The following SLC2A9 variants were observed in gnomAD, a reference collection of about 807,000 sequenced individuals.
SLC2A9 encodes solute carrier family 2 member 9.
Under a neutral mutation model 50.6 loss-of-function variants are expected in SLC2A9, and 39 were observed. The observed-to-expected ratio is 0.77, with a 90% CI of 0.60 to 1.01. SLC2A9 has a LOEUF of 1.01. Among genes scored for constraint, SLC2A9 ranks in the 50% least tolerant of loss-of-function variants. SLC2A9 has a pLI of 0.00. For missense variants in SLC2A9, 686 were observed against 677.6 expected, an observed-to-expected ratio of 1.01 and a Z score of -0.14; for synonymous variants, 324 against 276.9, an observed-to-expected ratio of 1.17 and a Z score of -1.69.
chr4:9,966,385 G>A (rs532279247), intron 5 of SLC2A9, among the ~76,000 whole-genome samples: 1 of 152,226 alleles, frequency 6.6e-6, no homozygotes, highest in Non-Finnish European at 1.5e-5. Flanking sequence ...GCTGGGTGAA[G>A]TGGCTCACAT....
chr4:10,019,255 G>T, intron 1 of SLC2A9, 182 bp from the exon 2 acceptor site: 2 of 606,196 alleles, frequency 3.3e-6, no homozygotes, highest in Non-Finnish European at 5.9e-6. Context: ...TCCAGTCCAG[G>T]TCCGCGTGCG....
intron 10 of SLC2A9, among the ~76,000 whole-genome samples, chr4:9,855,129 G>T (rs1016752261): frequency 2.6e-5 from 4 of 152,118 alleles, no homozygotes; most frequent in Admixed American, 6.5e-5. Context: ...GCAAGAGAAA[G>T]AAATAAAAGA....
chr4:9,857,159 T>C lies in SLC2A9; in HGVS notation c.1292-22151A>G, dbSNP rs146954929. On this transcript the variant is annotated intron_variant, in intron 10 of 11. Transcript: ENST00000264784. ...TGTATGGGTGCTGGAGTTATAAGGC[T>C]GCCTGAAATAGGGTAAAAGGATCCA... Among the ~76,000 whole-genome samples the C allele has an allele frequency of 7.2e-5, 11 of 152,326 alleles. No individual in the cohort carries two copies. In the East Asian group the frequency reaches 9.7e-4, roughly 13 times the overall value.
intron 5 of SLC2A9, among the ~76,000 whole-genome samples, chr4:9,969,336 T>G (rs1365018425): frequency 1.3e-5 from 2 of 152,224 alleles, no homozygotes; most frequent in Non-Finnish European, 1.5e-5. Flanking sequence ...TAAATTTCCT[T>G]GCAAATTTCT....
chr4:9,820,242 C>T (rs768730718), intron 3 of SLC2A9, among the ~76,000 whole-genome samples: 75 of 152,242 alleles, frequency 4.9e-4, no homozygotes, highest in Middle Eastern at 3.4e-3. Context: ...AATGCCTTTG[C>T]ATTTTTGTCA....
intron 3 of SLC2A9, among the ~76,000 whole-genome samples, chr4:9,789,539 A>G (rs925741874): frequency 6.6e-6 from 1 of 152,226 alleles, no homozygotes; most frequent in Non-Finnish European, 1.5e-5. Flanking sequence ...CTACACCTAG[A>G]ATAGGAAGAA....
At chr4:9,963,819 T>C (rs6856127) in intron 5 of SLC2A9, among the ~76,000 whole-genome samples, 73,576 of 152,034 alleles carry the variant, frequency 0.48, 19,155 homozygotes, top group African/African-American at 0.67. Flanking sequence ...AAGAATCACA[T>C]CCAGCGAGTC....
intron 3 of SLC2A9, among the ~76,000 whole-genome samples, chr4:9,994,653 T>C (rs951726427): frequency 6.6e-6 from 1 of 150,994 alleles, no homozygotes; most frequent in African/African-American, 2.4e-5. Flanking sequence ...TAATGCTGGC[T>C]GAGAAGTGAG....
upstream of SLC2A9, among the ~76,000 whole-genome samples, chr4:10,023,055 T>C (rs1323625346): frequency 6.6e-6 from 1 of 152,158 alleles, no homozygotes; most frequent in Non-Finnish European, 1.5e-5. Context: ...AATCCTTAAT[T>C]ATAACATGAC....
chr4:9,801,710 G>T (rs1723224699), intron 3 of SLC2A9, among the ~76,000 whole-genome samples: 1 of 152,186 alleles, frequency 6.6e-6, no homozygotes, highest in Non-Finnish European at 1.5e-5. Flanking sequence ...GGGTGCCCAG[G>T]AACTGTCCCC....
chr4:9,958,989 GAAA>G (rs1560387965), intron 5 of SLC2A9, among the ~76,000 whole-genome samples: 14 of 151,404 alleles, frequency 9.2e-5, no homozygotes, highest in Admixed American at 2.6e-4. Context: ...TACGAGAAAG[GAAA>G]GTAATCGGTA....
chr4:9,963,469 T>G lies in SLC2A9; in HGVS notation c.681+17123A>C, dbSNP rs536954282. ...TACAGACCCCACGGTCAGCTCTACGTTGATACAAAGATGAGAACTTGGACT... is the reference window on the plus strand; with the variant it reads ...TACAGACCCCACGGTCAGCTCTACGGTGATACAAAGATGAGAACTTGGACT... On this transcript the variant is annotated intron_variant, in intron 5 of 11. Coordinates refer to ENST00000264784, the MANE Select transcript of SLC2A9 (RefSeq NM_020041.3). 5.3e-5 allele frequency among the ~76,000 whole-genome samples: 8 copies of G among 152,274 alleles called. No homozygotes were observed. The East Asian group carries it at 1.5e-3, about 29-fold the overall frequency.
chr4:9,990,741 G>A (rs554508571), intron 3 of SLC2A9, among the ~76,000 whole-genome samples: 7 of 152,134 alleles, frequency 4.6e-5, no homozygotes, highest in Admixed American at 2.6e-4. Flanking sequence ...GAACCCTGCC[G>A]TCCCGAAGTC....
intron 3 of SLC2A9, among the ~76,000 whole-genome samples, chr4:9,780,248 G>A (rs912378640): frequency 6.6e-6 from 1 of 152,128 alleles, no homozygotes; most frequent in South Asian, 2.1e-4. Flanking sequence ...GCAGAGACTG[G>A]AGGCCAGGAA....
intron 2 of SLC2A9, among the ~76,000 whole-genome samples, chr4:10,013,653 G>T (rs1469582046): frequency 6.6e-6 from 1 of 152,218 alleles, no homozygotes; most frequent in East Asian, 1.9e-4. Flanking sequence ...CGGCATTACA[G>T]AAAGTTTCCA....
At chr4:9,886,580 C>G (rs1404090656) in intron 10 of SLC2A9, among the ~76,000 whole-genome samples, 1 of 152,058 alleles carries the variant, frequency 6.6e-6, no homozygotes, top group Non-Finnish European at 1.5e-5. Context: ...TGGACACTTT[C>G]CATCCACCAT....
intron 5 of SLC2A9, among the ~76,000 whole-genome samples, chr4:9,979,891 T>A (rs1755421266): frequency 6.6e-6 from 1 of 152,090 alleles, no homozygotes; most frequent in African/African-American, 2.4e-5. Context: ...CTTTACTGAT[T>A]TCCTTTCTCT....
chr4:9,992,522 G>A (rs1757889951), intron 3 of SLC2A9, among the ~76,000 whole-genome samples: 1 of 152,224 alleles, frequency 6.6e-6, no homozygotes, highest in African/African-American at 2.4e-5. Context: ...CTCTGGTTGA[G>A]AACCCTTGAA....
intron 11 of SLC2A9, among the ~76,000 whole-genome samples, chr4:9,834,289 TG>T (rs1726670435): frequency 6.6e-6 from 1 of 152,218 alleles, no homozygotes; most frequent in African/African-American, 2.4e-5. Flanking sequence ...TTGTTACCAC[TG>T]TATCCTCATT....
Sources: allele counts gnomAD v4.1 joint callset (sites outside exome capture counted in the v4.1 genomes callset), GRCh38; gene constraint gnomAD v4.1.1; transcripts MANE v1.5; gene names NCBI Gene and HGNC (gene_info 2026-07-23, HGNC 2026-07-21).